The following ATE1 variants were observed in gnomAD, a reference collection of about 807,000 sequenced individuals.
ATE1 encodes the protein arginyltransferase 1.
A neutral mutation model predicts 70.5 loss-of-function variants in ATE1; 36 were observed. The observed-to-expected ratio is 0.51, with a 90% CI of 0.39 to 0.67. The LOEUF (loss-of-function observed/expected upper bound fraction) is 0.67. ATE1 is among the 30% of genes least tolerant of loss of function. The pLI, the probability that ATE1 is intolerant of heterozygous loss-of-function variation, is 0.00. For synonymous variants in ATE1, 232 were observed against 219.3 expected, an observed-to-expected ratio of 1.06 and a Z score of -0.51; for missense variants, 593 against 629.5, an observed-to-expected ratio of 0.94 and a Z score of 0.62.
At position 121,858,665 on chromosome 10, in the gene ATE1, T is replaced by TATATAATATATATTTTATAC. The variant is rs1167172277; in HGVS notation, c.975+11340_975+11341insGTATAAAATATATATTATAT. On this transcript the variant is annotated intron_variant, in intron 8 of 11. Coordinates refer to ENST00000224652, the MANE Select transcript of ATE1 (RefSeq NM_001001976.3). ...ATATATATTTTATACATATAATATA[T>TATATAATATATATTTTATAC]ATATAATATATATATTTTTATATAT... Among the ~76,000 whole-genome samples the TATATAATATATATTTTATAC allele has an allele frequency of 1.9e-3, 264 of 140,506 alleles. 1 individual carries two copies. Among genetic ancestry groups the TATATAATATATATTTTATAC allele is most frequent in the Non-Finnish European group, 3.0e-3 (196 of 66,330 alleles). The allele number at this position is 140,506 out of a possible 152,430, so 92.2% of individuals were successfully genotyped here. A position where few individuals can be genotyped will look rare whatever the true frequency, so the allele number is the denominator to read the frequency against.
At chr10:121,863,379 G>A (rs376380660) in intron 8 of ATE1, among the ~76,000 whole-genome samples, 61 of 150,510 alleles carry the variant, frequency 4.1e-4, no homozygotes, top group African/African-American at 1.1e-3. Context: ...TCAGCCTCCC[G>A]AGTAGCTGGG....
intron 10 of ATE1, among the ~76,000 whole-genome samples, chr10:121,803,643 A>C (rs940220192): frequency 2.0e-4 from 31 of 152,228 alleles, no homozygotes; most frequent in African/African-American, 7.0e-4. Flanking sequence ...ATGCTAAAAA[A>C]CAGTTTCCTA....
chr10:121,912,200 C>A (rs1264513206), intron 4 of ATE1, among the ~76,000 whole-genome samples: 1 of 152,054 alleles, frequency 6.6e-6, no homozygotes, highest in Non-Finnish European at 1.5e-5. Context: ...CCGAAAGAAA[C>A]AGACTTTTAT....
At chr10:121,900,904 C>G (rs1196283688) in intron 6 of ATE1, among the ~76,000 whole-genome samples, 1 of 152,134 alleles carries the variant, frequency 6.6e-6, no homozygotes, top group Non-Finnish European at 1.5e-5. Context: ...GTAGTGTATT[C>G]AACTCTGTTT....
intron 10 of ATE1, among the ~76,000 whole-genome samples, chr10:121,808,172 T>G (rs2133439853): frequency 6.6e-6 from 1 of 152,346 alleles, no homozygotes; most frequent in East Asian, 1.9e-4. Flanking sequence ...TACTGTGAAT[T>G]TGTAGATGTA....
At chr10:121,779,195 AT>A (rs1250295630) in intron 11 of ATE1, among the ~76,000 whole-genome samples, 1 of 151,938 alleles carries the variant, frequency 6.6e-6, no homozygotes, top group Non-Finnish European at 1.5e-5. Flanking sequence ...ATTCAGAACA[AT>A]TTCTTTGTCA....
intron 11 of ATE1, among the ~76,000 whole-genome samples, chr10:121,750,058 C>T (rs139244414): frequency 8.4e-4 from 128 of 152,220 alleles, no homozygotes; most frequent in African/African-American, 2.9e-3. Flanking sequence ...ACATGAAAAC[C>T]TAAGCAAAAA....
At chr10:121,806,002 G>A (rs1381828315) in intron 10 of ATE1, among the ~76,000 whole-genome samples, 1 of 152,194 alleles carries the variant, frequency 6.6e-6, no homozygotes, top group East Asian at 1.9e-4. Context: ...TCCTGAGACT[G>A]ACACAGCATC....
intron 3 of ATE1, among the ~76,000 whole-genome samples, chr10:121,917,500 C>A (rs569840052): frequency 1.3e-5 from 2 of 151,990 alleles, no homozygotes; most frequent in South Asian, 4.2e-4. Flanking sequence ...ACACATCTGC[C>A]CAAAATCACA....
At chr10:121,853,580 T>C (rs1327688557) in intron 8 of ATE1, among the ~76,000 whole-genome samples, 2 of 151,960 alleles carry the variant, frequency 1.3e-5, no homozygotes, top group Non-Finnish European at 2.9e-5. Flanking sequence ...AAATCCGAAA[T>C]ACTTTGCTTC....
At chr10:121,806,908 T>C (rs888345538) in intron 10 of ATE1, among the ~76,000 whole-genome samples, 1 of 152,212 alleles carries the variant, frequency 6.6e-6, no homozygotes, top group Non-Finnish European at 1.5e-5. Context: ...TCAGATTCAA[T>C]GAATACATAC....
chr10:121,833,295 CTT>C (rs1251303819), intron 10 of ATE1, among the ~76,000 whole-genome samples: 3 of 141,234 alleles, frequency 2.1e-5, no homozygotes, highest in Non-Finnish European at 4.4e-5. Context: ...CTCAACAAAT[CTT>C]TGTTAAAAAA....
At chr10:121,878,788 T>A (rs1304258177) in intron 7 of ATE1, among the ~76,000 whole-genome samples, 1 of 152,172 alleles carries the variant, frequency 6.6e-6, no homozygotes, top group Non-Finnish European at 1.5e-5. Context: ...ATCTTAGCAA[T>A]TATCTAGTTC....
chr10:121,818,188 C>T (rs1376585461), intron 10 of ATE1, among the ~76,000 whole-genome samples: 3 of 124,846 alleles, frequency 2.4e-5, no homozygotes, highest in Middle Eastern at 7.7e-3. Context: ...GCCTGAAAGG[C>T]AGAGCTTACA....
intron 8 of ATE1, among the ~76,000 whole-genome samples, chr10:121,854,751 T>TA (rs1249763218): frequency 1.3e-5 from 2 of 152,056 alleles, no homozygotes; most frequent in African/African-American, 2.4e-5. Flanking sequence ...AGAAACACCC[T>TA]AAAAAATCAA....
In ATE1 at chr10:121,927,846, T is replaced by A. The variant is rs759747312; in HGVS notation, c.104A>T (p.Asn35Ile). 2 of 1,571,284 alleles carry A rather than the reference T, an allele frequency of 1.3e-6. No homozygotes were observed. Among genetic ancestry groups the A allele is most frequent in the Admixed American group, 1.8e-5 (1 of 55,808 alleles). The change falls in exon 1 of 12, where the codon AAT (asparagine) becomes ATT (isoleucine). Residue 35 changes from asparagine to isoleucine, a missense_variant and splice_region_variant. By Grantham distance (149) the Asn-to-Ile change is moderately radical (BLOSUM62 -3). Transcript: ENST00000224652. Reference protein sequence around the residue: ...YCKNESGSRSNGMWAHSMTVQ... With the variant: ...YCKNESGSRSIGMWAHSMTVQ... ...GCCCGCCGGCCCGGCTCGCTCACCA[T>A]TGGAGCGGCTGCCCGACTCGTTCTT...
intron 10 of ATE1, among the ~76,000 whole-genome samples, chr10:121,819,298 G>A (rs548766494): frequency 3.7e-4 from 57 of 152,246 alleles, no homozygotes; most frequent in Non-Finnish European, 6.8e-4. Flanking sequence ...TAGCTATAAA[G>A]ATAACGCATA....
chr10:121,823,014 G>A (rs1448583682), intron 10 of ATE1, among the ~76,000 whole-genome samples: 2 of 152,156 alleles, frequency 1.3e-5, no homozygotes, highest in Non-Finnish European at 2.9e-5. Context: ...AGGTCGGCCA[G>A]GCATGGTGGC....
intron 8 of ATE1, among the ~76,000 whole-genome samples, chr10:121,869,770 T>C (rs1400291367): frequency 6.6e-6 from 1 of 152,042 alleles, no homozygotes. Flanking sequence ...AGAAAGAAAA[T>C]ATACTTAAAA....
Sources: allele counts gnomAD v4.1 joint callset (sites outside exome capture counted in the v4.1 genomes callset), GRCh38; gene constraint gnomAD v4.1.1; transcripts MANE v1.5; gene names NCBI Gene and HGNC (gene_info 2026-07-23, HGNC 2026-07-21).